Variants in RAB6A observed in about 807,000 individuals in gnomAD.
RAB6A encodes the protein ras-related protein Rab-6A.
A neutral mutation model predicts 32.3 loss-of-function variants in RAB6A; 8 were observed. That is an observed-to-expected ratio of 0.25 (90% CI 0.15 to 0.45). RAB6A has a LOEUF of 0.45. RAB6A is among the 20% of genes least tolerant of loss of function. The pLI is 1.00. For missense variants in RAB6A, 104 were observed against 249.4 expected (o/e 0.42, Z 3.93); for synonymous variants, 73 against 82.1 (o/e 0.89, Z 0.60).
intron 2 of RAB6A, chr11:73,722,329 A>G (rs1946149698): frequency 6.3e-5 from 1 of 15,996 alleles, no homozygotes; most frequent in East Asian, 2.1e-3. Context: ...ATATATATAT[A>G]TATATATATA....
At chr11:73,692,919 C>A (rs1280117037) in intron 6 of RAB6A, among the ~76,000 whole-genome samples, 1 of 151,866 alleles carries the variant, frequency 6.6e-6, no homozygotes, top group Non-Finnish European at 1.5e-5. Flanking sequence ...CGAGATCGCG[C>A]CACTGCACTC....
rs139961330 is a variant in RAB6A at position 73,708,586 on chromosome 11, C to T, written c.402-1073G>A. ...TTACAGGGTATTTTGTGATGCATTA[C>T]AATTAGCACTATGTCTCAAATTGTG... On this transcript the variant is annotated intron_variant, in intron 5 of 7. Coordinates refer to ENST00000336083, the MANE Select transcript of RAB6A (RefSeq NM_198896.2). Among the ~76,000 whole-genome samples the T allele has an allele frequency of 5.8e-3, 889 of 152,252 alleles. 25 individuals are homozygous for T. The highest frequency in any genetic ancestry group is 0.012 in the Admixed American group (178 of 15,290).
At chr11:73,753,207 AC>A (rs905657573) in intron 1 of RAB6A, among the ~76,000 whole-genome samples, 2 of 152,108 alleles carry the variant, frequency 1.3e-5, no homozygotes, top group Non-Finnish European at 2.9e-5. Flanking sequence ...CTATAATGGC[AC>A]CCCTGTACTG....
intron 6 of RAB6A, among the ~76,000 whole-genome samples, chr11:73,700,123 T>C (rs1419282046): frequency 1.3e-5 from 2 of 152,160 alleles, no homozygotes; most frequent in East Asian, 3.8e-4. Flanking sequence ...CTTTTTCCAT[T>C]TTTCAGTACT....
At chr11:73,694,282 G>A (rs563541343) in intron 6 of RAB6A, among the ~76,000 whole-genome samples, 12 of 152,274 alleles carry the variant, frequency 7.9e-5, no homozygotes, top group Non-Finnish European at 5.9e-5. Context: ...GAATGTTTAC[G>A]TATTTTCTCA....
chr11:73,726,663 C>CG (rs1946228465), intron 2 of RAB6A, among the ~76,000 whole-genome samples: 1 of 132,678 alleles, frequency 7.5e-6, no homozygotes, highest in Non-Finnish European at 1.5e-5. Context: ...GTGGGAGAAT[C>CG]GCTTGAGCCT....
intron 6 of RAB6A, among the ~76,000 whole-genome samples, chr11:73,682,956 G>A (rs1945383218): frequency 6.6e-6 from 1 of 152,172 alleles, no homozygotes; most frequent in Non-Finnish European, 1.5e-5. Context: ...CATGCATTAG[G>A]AAAAACTCCA....
chr11:73,689,336 A>G (rs1286190284), intron 6 of RAB6A, among the ~76,000 whole-genome samples: 2 of 152,150 alleles, frequency 1.3e-5, no homozygotes, highest in Non-Finnish European at 2.9e-5. Context: ...GATCCCTCCA[A>G]TGTGCAGTTC....
intron 6 of RAB6A, among the ~76,000 whole-genome samples, chr11:73,685,276 TATAG>T (rs1364858528): frequency 6.7e-6 from 1 of 149,740 alleles, no homozygotes; most frequent in East Asian, 2.0e-4. Context: ...TGACCTGCTA[TATAG>T]AAAGTCTTTT....
chr11:73,686,250 C>T (rs1349461215), intron 6 of RAB6A, among the ~76,000 whole-genome samples: 3 of 152,088 alleles, frequency 2.0e-5, no homozygotes, highest in African/African-American at 7.2e-5. Context: ...ATAATCTTTT[C>T]GGCTCTTAAG....
chr11:73,708,926 T>C (rs545908938), intron 5 of RAB6A, among the ~76,000 whole-genome samples: 20 of 152,224 alleles, frequency 1.3e-4, no homozygotes, highest in Non-Finnish European at 2.5e-4. Flanking sequence ...TCTAGAATTC[T>C]CCACTCCCTA....
At chr11:73,738,504 T>C (rs918666317) in intron 1 of RAB6A, among the ~76,000 whole-genome samples, 7 of 152,080 alleles carry the variant, frequency 4.6e-5, no homozygotes, top group Non-Finnish European at 8.8e-5. Flanking sequence ...AAAAGAAATT[T>C]AGCCAAGCAC....
At position 73,677,640 on chromosome 11, in the gene RAB6A, G is replaced by A. The variant is rs1945289252; in HGVS notation, c.*258C>T. 1.1e-6 allele frequency: 1 copy of A among 870,592 alleles called. No individual in the cohort carries two copies. Among genetic ancestry groups the A allele is most frequent in the Non-Finnish European group, 1.7e-6 (1 of 580,346 alleles). The allele number at this position is 870,592 out of a possible 1,614,324, so 53.9% of individuals were successfully genotyped here. The stretch of plus-strand genomic sequence containing the variant: ...AAAAAGAAAAAAATGTTAAGAAAAT[G>A]TATCTAATTTTTAAAGTTATCACTG... On this transcript the variant is annotated 3_prime_UTR_variant, in exon 8 of 8. Coordinates refer to ENST00000336083, the MANE Select transcript of RAB6A (RefSeq NM_198896.2).
At chr11:73,760,161 G>T in intron 1 of RAB6A, 4 of 1,235,186 alleles carry the variant, frequency 3.2e-6, no homozygotes, top group Non-Finnish European at 4.3e-6. Context: ...GGGCTTCCCT[G>T]AGTGGGCCTC....
intron 1 of RAB6A, among the ~76,000 whole-genome samples, chr11:73,749,637 G>A (rs937872765): frequency 1.3e-5 from 2 of 152,226 alleles, no homozygotes. Flanking sequence ...CGAGGCCAGA[G>A]CATTGCTCAA....
chr11:73,692,918 G>A (rs1013694640), intron 6 of RAB6A, among the ~76,000 whole-genome samples: 47 of 151,730 alleles, frequency 3.1e-4, no homozygotes, highest in African/African-American at 1.1e-3. Flanking sequence ...CCGAGATCGC[G>A]CCACTGCACT....
At chr11:73,759,660 ATAAT>A (rs1472393087) in intron 1 of RAB6A, among the ~76,000 whole-genome samples, 2 of 152,198 alleles carry the variant, frequency 1.3e-5, no homozygotes, top group Admixed American at 1.3e-4. Context: ...GAAGGAATGA[ATAAT>A]TAACATTTCC....
intron 6 of RAB6A, chr11:73,704,204 A>G (rs1487632496): frequency 2.3e-6 from 1 of 439,702 alleles, no homozygotes; most frequent in Admixed American, 2.4e-5. Context: ...CAACATGGCA[A>G]GAACCTATTC....
intron 6 of RAB6A, among the ~76,000 whole-genome samples, chr11:73,685,286 CTTT>C (rs750488240): frequency 0.044 from 5,146 of 116,966 alleles, 61 homozygotes; most frequent in Middle Eastern, 0.081. Context: ...TATAGAAAGT[CTTT>C]TTTTTTTTTT....
Sources: gnomAD v4.1 joint callset for allele counts (sites outside exome capture counted in the v4.1 genomes callset) on GRCh38, gnomAD v4.1.1 for gene constraint, MANE v1.5 for transcripts, NCBI Gene and HGNC (gene_info 2026-07-23, HGNC 2026-07-21) for gene names.